Variants in EPYC observed in about 807,000 individuals in gnomAD.
EPYC encodes the protein epiphycan.
A neutral mutation model predicts 30.1 loss-of-function variants in EPYC; 28 were observed. The observed-to-expected ratio is 0.93, with a 90% confidence interval of 0.69 to 1.28. The LOEUF is 1.28. EPYC is among the 50% of genes most tolerant of loss of function. The pLI, the probability that EPYC is intolerant of heterozygous loss-of-function variation, is 0.00. For missense variants in EPYC, 382 were observed against 383.5 expected (o/e 1.00, Z 0.03); for synonymous variants, 144 against 141.4 (o/e 1.02, Z -0.13).
chr12:91,004,863 T>G (rs1877916302), intron 1 of EPYC, 84 bp downstream of exon 1: 1 of 152,092 alleles, frequency 6.6e-6, no homozygotes, highest in South Asian at 2.1e-4. Flanking sequence ...CAGATGACAT[T>G]AAGGCAAGTT....
intron 2 of EPYC, among the ~76,000 whole-genome samples, chr12:90,985,826 A>G (rs1411605330): frequency 6.6e-6 from 1 of 152,044 alleles, no homozygotes; most frequent in Admixed American, 6.6e-5. Context: ...AGCTCATGTC[A>G]TCACCCTCAC....
chr12:90,986,016 G>T (rs1412434360), intron 2 of EPYC, among the ~76,000 whole-genome samples: 1 of 152,102 alleles, frequency 6.6e-6, no homozygotes, highest in Non-Finnish European at 1.5e-5. Context: ...ATTTGTGATT[G>T]GCAGAATTTG....
chr12:91,002,305 T>A, intron 2 of EPYC, 96 bp downstream of exon 2: 1 of 1,050,278 alleles, frequency 9.5e-7, no homozygotes. Flanking sequence ...ATCTTTCTAC[T>A]TATAAAAAAA....
chr12:90,976,859 T>C (rs1021421240), intron 3 of EPYC, among the ~76,000 whole-genome samples: 6 of 152,100 alleles, frequency 3.9e-5, no homozygotes, highest in Admixed American at 1.3e-4. Context: ...TTATAAGGCG[T>C]TTCCCCTTTC....
chr12:90,978,269 A>G lies in EPYC; in HGVS notation c.166-7T>C. On this transcript the variant is annotated splice_region_variant and splice_polypyrimidine_tract_variant and intron_variant, in intron 2 of 6. Coordinates refer to ENST00000261172, the MANE Select transcript of EPYC (RefSeq NM_004950.5). ...TCACTGTGGCTATTTCAATCTGAAA[A>G]AAAAAAAAAAAAGAGAATTTCTTCA... 6.8e-7 allele frequency: 1 copy of G among 1,463,016 alleles called. No individual in the cohort carries two copies. Among genetic ancestry groups the G allele is most frequent in the Non-Finnish European group, 9.2e-7 (1 of 1,087,770 alleles). The allele number at this position is 1,463,016 out of a possible 1,614,324, so 90.6% of individuals were successfully genotyped here. A position where few individuals can be genotyped will look rare whatever the true frequency, so the allele number is the denominator to read the frequency against.
intron 2 of EPYC, among the ~76,000 whole-genome samples, chr12:90,982,866 C>T (rs1303488420): frequency 6.6e-6 from 1 of 152,114 alleles, no homozygotes; most frequent in Non-Finnish European, 1.5e-5. Context: ...GTATATACCA[C>T]ATTGTATTTA....
intron 3 of EPYC, among the ~76,000 whole-genome samples, chr12:90,976,524 T>A (rs1342932204): frequency 6.6e-6 from 1 of 152,120 alleles, no homozygotes; most frequent in African/African-American, 2.4e-5. Context: ...GTGCTGGGAT[T>A]TGAATACATA....
intron 3 of EPYC, among the ~76,000 whole-genome samples, chr12:90,977,832 A>G (rs1877222847): frequency 6.6e-6 from 1 of 152,094 alleles, no homozygotes; most frequent in Admixed American, 6.6e-5. Flanking sequence ...TTCCACCACC[A>G]GGTTTCGAGT....
intron 3 of EPYC, among the ~76,000 whole-genome samples, chr12:90,975,800 C>T (rs1020280271): frequency 2.6e-5 from 4 of 152,030 alleles, no homozygotes; most frequent in African/African-American, 7.2e-5. Context: ...TTTACATTTT[C>T]TTCTCATTGT....
At chr12:90,991,435 A>G (rs558673434) in intron 2 of EPYC, among the ~76,000 whole-genome samples, 1 of 152,290 alleles carries the variant, frequency 6.6e-6, no homozygotes, top group South Asian at 2.1e-4. Flanking sequence ...AACATATCCA[A>G]TTAAGAATAT....
intron 2 of EPYC, among the ~76,000 whole-genome samples, chr12:90,982,650 C>T (rs752567429): frequency 6.6e-6 from 1 of 152,082 alleles, no homozygotes; most frequent in Admixed American, 6.6e-5. Context: ...CCTCTTCTGC[C>T]TAACTACCTA....
intron 2 of EPYC, among the ~76,000 whole-genome samples, chr12:90,989,011 A>G (rs1254959201): frequency 6.6e-6 from 1 of 152,116 alleles, no homozygotes; most frequent in African/African-American, 2.4e-5. Context: ...CTCACCCATC[A>G]TGTAGATATA....
chr12:90,994,099 G>A (rs1038648321), intron 2 of EPYC, among the ~76,000 whole-genome samples: 1 of 152,108 alleles, frequency 6.6e-6, no homozygotes, highest in Admixed American at 6.6e-5. Flanking sequence ...CTACTAGACT[G>A]AGAATGCCAA....
chr12:90,995,778 T>C (rs1241547466), intron 2 of EPYC, among the ~76,000 whole-genome samples: 2 of 151,952 alleles, frequency 1.3e-5, no homozygotes, highest in Admixed American at 6.6e-5. Flanking sequence ...TCTTAAATAC[T>C]GTAGCTTAGG....
At chr12:90,987,553 C>T (rs1877483504) in intron 2 of EPYC, among the ~76,000 whole-genome samples, 1 of 152,156 alleles carries the variant, frequency 6.6e-6, no homozygotes, top group Admixed American at 6.5e-5. Context: ...ATGGCTCAGA[C>T]ATCTCCATGT....
intron 2 of EPYC, among the ~76,000 whole-genome samples, chr12:90,981,194 A>G (rs1877316389): frequency 6.6e-6 from 1 of 152,144 alleles, no homozygotes; most frequent in Non-Finnish European, 1.5e-5. Context: ...ATGAAGAGAT[A>G]ACTACCAAGA....
At chr12:91,001,118 G>T (rs1008374291) in intron 2 of EPYC, among the ~76,000 whole-genome samples, 1 of 151,592 alleles carries the variant, frequency 6.6e-6, no homozygotes, top group Non-Finnish European at 1.5e-5. Flanking sequence ...TGAAATGAGG[G>T]TCAAAAGAGG....
intron 2 of EPYC, among the ~76,000 whole-genome samples, chr12:91,000,662 T>C (rs1240370411): frequency 6.6e-6 from 1 of 151,998 alleles, no homozygotes; most frequent in African/African-American, 2.4e-5. Flanking sequence ...CAAAACCTAC[T>C]CAAAATAGAA....
At chr12:90,987,314 C>T (rs1243199278) in intron 2 of EPYC, among the ~76,000 whole-genome samples, 1 of 150,374 alleles carries the variant, frequency 6.7e-6, no homozygotes, top group East Asian at 1.9e-4. Context: ...CCAACCACAC[C>T]ATAAAATTTC....
Sources: allele counts gnomAD v4.1 joint callset (sites outside exome capture counted in the v4.1 genomes callset), GRCh38; gene constraint gnomAD v4.1.1; transcripts MANE v1.5; gene names NCBI Gene and HGNC (gene_info 2026-07-23, HGNC 2026-07-21).